Variants in KYNU observed in about 807,000 individuals in gnomAD.
KYNU encodes L-kynurenine hydrolase.
KYNU carries 54 observed loss-of-function variants against 59.2 expected under a neutral mutation model. The observed-to-expected ratio is 0.91, with a 90% CI of 0.73 to 1.14. KYNU has a LOEUF of 1.14. Ranked by LOEUF, KYNU falls within the 50% of genes most tolerant of loss-of-function variation. KYNU has a pLI of 0.00. For missense variants in KYNU, 567 were observed against 554.4 expected, an observed-to-expected ratio of 1.02 and a Z score of -0.23; for synonymous variants, 177 against 192.0, an observed-to-expected ratio of 0.92 and a Z score of 0.65.
chr2:143,021,582 G>A (rs575788654), intron 10 of KYNU, among the ~76,000 whole-genome samples: 9 of 152,112 alleles, frequency 5.9e-5, no homozygotes, highest in Non-Finnish European at 1.2e-4. Context: ...AGGCAAATGG[G>A]GGGCAGGCAC....
intron 2 of KYNU, among the ~76,000 whole-genome samples, chr2:142,912,012 G>A (rs1163307880): frequency 6.6e-6 from 1 of 151,978 alleles, no homozygotes; most frequent in Non-Finnish European, 1.5e-5. Context: ...TGTTGTTGTT[G>A]TTGTTGTTAT....
chr2:142,903,355 G>A (rs546622709), intron 2 of KYNU, among the ~76,000 whole-genome samples: 7 of 152,076 alleles, frequency 4.6e-5, no homozygotes, highest in Non-Finnish European at 7.4e-5. Context: ...GACAACAAAC[G>A]GGTGTTCCTT....
At chr2:143,030,305 T>C (rs1214196354) in intron 11 of KYNU, among the ~76,000 whole-genome samples, 1 of 152,140 alleles carries the variant, frequency 6.6e-6, no homozygotes, top group Non-Finnish European at 1.5e-5. Context: ...CCCCAGCAGA[T>C]AGAAGTGAAA....
At chr2:142,965,977 CTT>C (rs780017638) in intron 8 of KYNU, among the ~76,000 whole-genome samples, 32 of 152,090 alleles carry the variant, frequency 2.1e-4, no homozygotes, top group Non-Finnish European at 4.3e-4. Context: ...TGCTCTCTCT[CTT>C]TCTTTTTTCT....
At chr2:142,967,818 A>T (rs930854182) in intron 8 of KYNU, among the ~76,000 whole-genome samples, 1 of 152,072 alleles carries the variant, frequency 6.6e-6, no homozygotes, top group African/African-American at 2.4e-5. Context: ...ATTATAATAG[A>T]ATAATATCTC....
At chr2:142,962,046 A>G (rs1272081747) in intron 8 of KYNU, among the ~76,000 whole-genome samples, 1 of 152,232 alleles carries the variant, frequency 6.6e-6, no homozygotes, top group Non-Finnish European at 1.5e-5. Flanking sequence ...GGTGCATTAC[A>G]AAAGATATAA....
intron 4 of KYNU, among the ~76,000 whole-genome samples, chr2:142,954,239 G>A (rs189817571): frequency 4.6e-5 from 7 of 152,090 alleles, no homozygotes; most frequent in Non-Finnish European, 7.4e-5. Context: ...GACAATACAC[G>A]TCTATATTAT....
Position 142,960,751 on chromosome 2 carries a change from C to A in KYNU, c.710C>A (p.Thr237Lys), listed in dbSNP as rs1205632267. 6.2e-7 allele frequency: 1 copy of A among 1,614,012 alleles called. No individual in the cohort carries two copies. The highest frequency in any genetic ancestry group is 1.1e-5 in the South Asian group (1 of 91,078). The part of the protein sequence containing the change: ...TGQHFNIPAI[T>K]KAGQAKGCYV... ...CAGCACTTTAATATTCCTGCCATCA[C>A]AAAAGCTGGACAAGCGAAGGTATGC... The change falls in exon 8 of 14, where the codon ACA becomes AAA. Residue 237 changes from threonine (T) to lysine (K), a missense_variant. Thr to Lys is a moderately conservative substitution (Grantham distance 78). Coordinates refer to ENST00000264170, the MANE Select transcript of KYNU (RefSeq NM_003937.3).
chr2:143,026,590 C>T (rs960726357), intron 10 of KYNU, among the ~76,000 whole-genome samples: 1 of 152,200 alleles, frequency 6.6e-6, no homozygotes, highest in Non-Finnish European at 1.5e-5. Context: ...TGGGAGGGAG[C>T]GCACAGGTGA....
chr2:142,961,351 T>A (rs1684344241), intron 8 of KYNU, among the ~76,000 whole-genome samples: 1 of 144,510 alleles, frequency 6.9e-6, no homozygotes, highest in African/African-American at 2.6e-5. Flanking sequence ...TGCATTTGCC[T>A]CTAGTCAGCA....
At chr2:142,983,665 G>T (rs1685111036) in intron 8 of KYNU, among the ~76,000 whole-genome samples, 1 of 152,052 alleles carries the variant, frequency 6.6e-6, no homozygotes, top group African/African-American at 2.4e-5. Context: ...AAAAACCACT[G>T]AGGGTCTTAG....
At chr2:142,977,776 A>G (rs1045409978) in intron 8 of KYNU, among the ~76,000 whole-genome samples, 1 of 152,154 alleles carries the variant, frequency 6.6e-6, no homozygotes, top group Non-Finnish European at 1.5e-5. Flanking sequence ...ATAATATGCA[A>G]ATAATGCTTA....
intron 8 of KYNU, among the ~76,000 whole-genome samples, chr2:142,976,589 G>A (rs1684889241): frequency 6.6e-6 from 1 of 152,152 alleles, no homozygotes; most frequent in Admixed American, 6.5e-5. Flanking sequence ...TTTGGTAAAA[G>A]ATATATTTGA....
At chr2:142,978,320 T>C (rs1267146657) in intron 8 of KYNU, among the ~76,000 whole-genome samples, 1 of 152,232 alleles carries the variant, frequency 6.6e-6, no homozygotes, top group African/African-American at 2.4e-5. Context: ...AAAAGTAATA[T>C]TGTCCAAATT....
intron 10 of KYNU, chr2:142,988,791 C>A: frequency 8.0e-7 from 1 of 1,252,422 alleles, no homozygotes; most frequent in Non-Finnish European, 1.2e-6. Context: ...CAACTTCTAG[C>A]CTTGGCTCTC....
intron 12 of KYNU, among the ~76,000 whole-genome samples, chr2:143,037,197 C>T (rs565171239): frequency 1.8e-4 from 27 of 152,266 alleles, no homozygotes; most frequent in African/African-American, 6.5e-4. Flanking sequence ...GGCAAGTACT[C>T]TCTCCCTCAA....
intron 2 of KYNU, among the ~76,000 whole-genome samples, chr2:142,893,172 G>A (rs1213141618): frequency 6.6e-6 from 1 of 152,218 alleles, no homozygotes; most frequent in Non-Finnish European, 1.5e-5. Context: ...ACAGTCATCA[G>A]CATTTAGGTA....
rs1228968822 is a variant in KYNU at position 142,981,114 on chromosome 2, T to C, written c.730-3970T>C. 2.0e-5 allele frequency among the ~76,000 whole-genome samples: 3 copies of C among 152,170 alleles called. No individual in the cohort carries two copies. In the East Asian group the frequency reaches 5.8e-4, roughly 29 times the overall value. On this transcript the variant is annotated intron_variant, in intron 8 of 13. Transcript: ENST00000264170. Reference sequence around the variant, plus strand: ...CAATGGGGAAATAATTACAAATGCATTAAACATAGTGTAGAAGTCATACTT... The same window carrying C: ...CAATGGGGAAATAATTACAAATGCACTAAACATAGTGTAGAAGTCATACTT...
intron 10 of KYNU, among the ~76,000 whole-genome samples, chr2:143,013,261 T>C (rs79487460): frequency 6.6e-6 from 1 of 151,744 alleles, no homozygotes; most frequent in African/African-American, 2.4e-5. Context: ...TTTCTCTCTC[T>C]CTCTCCCTGT....
Sources: allele counts gnomAD v4.1 joint callset (sites outside exome capture counted in the v4.1 genomes callset), GRCh38; gene constraint gnomAD v4.1.1; transcripts MANE v1.5; gene names NCBI Gene and HGNC (gene_info 2026-07-23, HGNC 2026-07-21).